The following SLC24A3 variants were observed in gnomAD, a reference collection of about 807,000 sequenced individuals.
SLC24A3 encodes the protein sodium/potassium/calcium exchanger 3.
A neutral mutation model predicts 75.8 loss-of-function variants in SLC24A3; 28 were observed. The ratio of observed to expected loss-of-function variants is 0.37; its 90% CI spans 0.27 to 0.51. SLC24A3 has a LOEUF of 0.51. SLC24A3 is among the 20% of genes least tolerant of loss of function. SLC24A3 has a pLI of 0.94. For synonymous variants in SLC24A3, 372 were observed against 334.1 expected (o/e 1.11, Z -1.24); for missense variants, 663 against 847.8 (o/e 0.78, Z 2.71).
chr20:19,223,073 A>C (rs1280972817), intron 1 of SLC24A3, among the ~76,000 whole-genome samples: 1 of 152,116 alleles, frequency 6.6e-6, no homozygotes, highest in Non-Finnish European at 1.5e-5. Context: ...TGGGCGGATC[A>C]TCTGAGGTCA....
chr20:19,601,137 T>C (rs1175922824), intron 6 of SLC24A3, among the ~76,000 whole-genome samples: 2 of 152,244 alleles, frequency 1.3e-5, no homozygotes, highest in African/African-American at 4.8e-5. Flanking sequence ...GTGGTGTTGA[T>C]ATATGTTTAT....
chr20:19,688,892 TG>T (rs11475040), intron 12 of SLC24A3, among the ~76,000 whole-genome samples: 52,374 of 151,934 alleles, frequency 0.34, 9,834 homozygotes, highest in African/African-American at 0.49. Context: ...CTTAATATAT[TG>T]TATGCATGTA....
intron 2 of SLC24A3, among the ~76,000 whole-genome samples, chr20:19,365,752 A>C (rs1305152301): frequency 6.6e-6 from 1 of 152,132 alleles, no homozygotes; most frequent in Admixed American, 6.6e-5. Flanking sequence ...CTCCAGCCTC[A>C]CTGCCCCCAG....
At position 19,295,307 on chromosome 20, in the gene SLC24A3, C is replaced by T. The variant is rs147306818; in HGVS notation, c.271+14220C>T. On this transcript the variant is annotated intron_variant, in intron 2 of 16. Transcript: ENST00000328041. ...GATATGGGTTCATGTAATCTGCAAACAGAGACAGTTTGACTTCCTCTTCTC... is the reference window on the plus strand; with the variant it reads ...GATATGGGTTCATGTAATCTGCAAATAGAGACAGTTTGACTTCCTCTTCTC... Among the ~76,000 whole-genome samples the T allele has an allele frequency of 9.9e-4, 151 of 152,298 alleles. 1 individual carries two copies. Among genetic ancestry groups the T allele is most frequent in the South Asian group, 6.2e-3 (30 of 4,826 alleles).
At chr20:19,286,720 G>A (rs545896640) in intron 2 of SLC24A3, among the ~76,000 whole-genome samples, 16 of 152,286 alleles carry the variant, frequency 1.1e-4, no homozygotes, top group Admixed American at 2.0e-4. Context: ...AGCTACAAGC[G>A]TACTTTTAAA....
chr20:19,547,779 C>T (rs531412724), intron 3 of SLC24A3, among the ~76,000 whole-genome samples: 19 of 152,320 alleles, frequency 1.2e-4, no homozygotes, highest in African/African-American at 4.6e-4. Context: ...TATGCCAGAG[C>T]CAGGGCAAGA....
At chr20:19,305,236 A>T (rs762202967) in intron 2 of SLC24A3, among the ~76,000 whole-genome samples, 2 of 152,086 alleles carry the variant, frequency 1.3e-5, no homozygotes, top group African/African-American at 4.8e-5. Flanking sequence ...TGCCTCTTTC[A>T]TGAGGAAATG....
intron 1 of SLC24A3, among the ~76,000 whole-genome samples, chr20:19,238,808 C>T (rs954106335): frequency 6.6e-6 from 1 of 152,150 alleles, no homozygotes; most frequent in African/African-American, 2.4e-5. Context: ...ACCTCCTGCC[C>T]TCTGGAGGCT....
intron 2 of SLC24A3, among the ~76,000 whole-genome samples, chr20:19,410,326 G>T (rs1020550295): frequency 6.6e-6 from 1 of 152,110 alleles, no homozygotes; most frequent in Non-Finnish European, 1.5e-5. Flanking sequence ...CCCAGCGTGC[G>T]GTCATGGCCT....
intron 2 of SLC24A3, among the ~76,000 whole-genome samples, chr20:19,439,718 A>G (rs1468932476): frequency 2.0e-5 from 3 of 152,166 alleles, no homozygotes; most frequent in Admixed American, 2.0e-4. Context: ...AGAACAACTG[A>G]TGGTTTGGAT....
chr20:19,543,544 C>T (rs1489898093), intron 3 of SLC24A3, among the ~76,000 whole-genome samples: 1 of 152,154 alleles, frequency 6.6e-6, no homozygotes, highest in Non-Finnish European at 1.5e-5. Flanking sequence ...GTGCAGCTGC[C>T]AGGCCGGGGA....
chr20:19,617,914 G>A (rs1466255301), intron 6 of SLC24A3, among the ~76,000 whole-genome samples: 24 of 152,112 alleles, frequency 1.6e-4, no homozygotes, highest in Non-Finnish European at 4.4e-5. Flanking sequence ...CAACTTCCAA[G>A]CCAGATCCTG....
At chr20:19,599,452 G>C (rs917789443) in intron 6 of SLC24A3, among the ~76,000 whole-genome samples, 1 of 152,006 alleles carries the variant, frequency 6.6e-6, no homozygotes, top group Non-Finnish European at 1.5e-5. Flanking sequence ...TGTGTGATGC[G>C]GTCCCTCCCG....
In SLC24A3 at chr20:19,684,053, A is replaced by T. The variant is rs144780965; in HGVS notation, c.902-123A>T. ...GAAGAGTGGATGAGTGGATAGATGGATGGGTGAATGGATGGGAGGAAAGAA... is the reference window on the plus strand; with the variant it reads ...GAAGAGTGGATGAGTGGATAGATGGTTGGGTGAATGGATGGGAGGAAAGAA... On this transcript the variant is annotated intron_variant, in intron 10 of 16. Coordinates refer to ENST00000328041, the MANE Select transcript of SLC24A3 (RefSeq NM_020689.4). The T allele has an allele frequency of 8.3e-4, 888 of 1,076,098 alleles. 1 individual carries two copies. The African/African-American group carries it at 0.012, about 15-fold the overall frequency. The allele number at this position is 1,076,098 out of a possible 1,614,324, so 66.7% of individuals were successfully genotyped here.
chr20:19,571,177 A>G (rs1252118204), intron 3 of SLC24A3, among the ~76,000 whole-genome samples: 8 of 152,104 alleles, frequency 5.3e-5, no homozygotes, highest in Non-Finnish European at 8.8e-5. Flanking sequence ...CCCACCTGTG[A>G]GGCTGGATGA....
intron 9 of SLC24A3, among the ~76,000 whole-genome samples, chr20:19,678,616 C>A: frequency 7.1e-6 from 1 of 141,554 alleles, no homozygotes; most frequent in East Asian, 2.3e-4. Context: ...ACCTCCCGGA[C>A]GGGGCGGCTG....
chr20:19,696,978 G>T, intron 14 of SLC24A3, 67 bp downstream of exon 14: 1 of 68,304 alleles, frequency 1.5e-5, no homozygotes. Context: ...AAGAAGGGAG[G>T]GAGGGAGGGA....
At chr20:19,518,283 C>T (rs577627631) in intron 3 of SLC24A3, among the ~76,000 whole-genome samples, 2 of 152,176 alleles carry the variant, frequency 1.3e-5, no homozygotes, top group African/African-American at 2.4e-5. Flanking sequence ...TTTTGAGCCC[C>T]TGCAGAGTAG....
chr20:19,498,374 A>C (rs1035257429), intron 2 of SLC24A3, among the ~76,000 whole-genome samples: 1 of 152,178 alleles, frequency 6.6e-6, no homozygotes, highest in African/African-American at 2.4e-5. Flanking sequence ...CTATGCCAAA[A>C]AGGTTGGGGA....
Sources: gnomAD v4.1 joint callset for allele counts (sites outside exome capture counted in the v4.1 genomes callset) on GRCh38, gnomAD v4.1.1 for gene constraint, MANE v1.5 for transcripts, NCBI Gene and HGNC (gene_info 2026-07-23, HGNC 2026-07-21) for gene names.